AXIN1: variants seen among roughly 807,000 people sequenced by gnomAD.
The protein encoded by AXIN1 is axin-1.
In AXIN1, 30 loss-of-function variants were observed where a neutral mutation model predicts 76.4. That is an observed-to-expected ratio of 0.39 (90% CI 0.29 to 0.53). The LOEUF is 0.53. Ranked by LOEUF, AXIN1 falls within the 20% of genes least tolerant of loss-of-function variation. The pLI, the probability that AXIN1 is intolerant of heterozygous loss-of-function variation, is 0.66. For synonymous variants in AXIN1, 545 were observed against 501.4 expected (o/e 1.09, Z -1.16); for missense variants, 1,140 against 1,198.8 (o/e 0.95, Z 0.72).
Position 352,389 on chromosome 16 carries a change from AC to A in AXIN1, c.-103del, listed in dbSNP as rs1450111764. 1 of 968,760 alleles carries A rather than the reference AC, an allele frequency of 1.0e-6. No individual in the cohort carries two copies. The highest frequency in any genetic ancestry group is 1.2e-6 in the Non-Finnish European group (1 of 823,682). 60.0% of individuals were successfully genotyped at this position (968,760 alleles called of 1,614,324 possible). ...CTCACCCGCGCGCGGTGGTGGCGGG[AC>A]CCCGGGCCCGGCTCCCGGAGCGGCG... is the stretch of plus-strand genomic sequence containing the variant. On this transcript the variant is annotated 5_prime_UTR_variant, in exon 1 of 11. An upstream open reading frame in the 5' UTR gains an earlier in-frame stop. Coordinates refer to ENST00000262320, the MANE Select transcript of AXIN1 (RefSeq NM_003502.4).
intron 2 of AXIN1, among the ~76,000 whole-genome samples, chr16:326,372 A>AAAAAAAT (rs1380874299): frequency 2.1e-4 from 18 of 86,458 alleles, no homozygotes; most frequent in East Asian, 7.2e-4. Context: ...AAAAAAAAAA[A>AAAAAAAT]ATATATATAT....
chr16:301,086 T>C (rs214243), intron 5 of AXIN1, among the ~76,000 whole-genome samples: 45,692 of 151,740 alleles, frequency 0.3, 8,867 homozygotes, highest in African/African-American at 0.55. Context: ...CTGGCTAACA[T>C]GGTGAAACCC....
intron 3 of AXIN1, among the ~76,000 whole-genome samples, chr16:312,012 G>T (rs147660186): frequency 1.2e-4 from 19 of 152,208 alleles, no homozygotes; most frequent in Non-Finnish European, 2.6e-4. Context: ...CACGGTGGGC[G>T]TCAGGAACAA....
intron 7 of AXIN1, among the ~76,000 whole-genome samples, chr16:295,899 G>A (rs892460508): frequency 2.6e-5 from 4 of 152,094 alleles, no homozygotes; most frequent in African/African-American, 9.7e-5. Flanking sequence ...CCCAGGAGGT[G>A]GAGGTTGCAG....
At chr16:301,074 T>A (rs1343856970) in intron 5 of AXIN1, among the ~76,000 whole-genome samples, 1 of 151,786 alleles carries the variant, frequency 6.6e-6, no homozygotes, top group Non-Finnish European at 1.5e-5. Flanking sequence ...ATCGAGACCA[T>A]CCTGGCTAAC....
At chr16:300,783 G>T (rs773205024) in intron 5 of AXIN1, among the ~76,000 whole-genome samples, 1 of 152,152 alleles carries the variant, frequency 6.6e-6, no homozygotes, top group Admixed American at 6.5e-5. Context: ...GGGCACTCTG[G>T]GGAGAAATCT....
In AXIN1 at chr16:320,743, A is replaced by ATTTTTTTT. The variant is rs71299927; in HGVS notation, c.879-6068_879-6061dup. Among the ~76,000 whole-genome samples, 727 of 107,578 alleles carry ATTTTTTTT rather than the reference A, an allele frequency of 6.8e-3. 30 individuals carry two copies. Among genetic ancestry groups the ATTTTTTTT allele is most frequent in the African/African-American group, 0.028 (616 of 21,730 alleles). 70.6% of individuals were successfully genotyped at this position (107,578 alleles called of 152,430 possible). A position where few individuals can be genotyped will look rare whatever the true frequency, so the allele number is the denominator to read the frequency against. ...TGTGTGTATATATATATATATATAT[A>ATTTTTTTT]TTTTTTTTTTTTTTGAGACGGAGCC... On this transcript the variant is annotated intron_variant, in intron 2 of 10. Coordinates refer to ENST00000262320, the MANE Select transcript of AXIN1 (RefSeq NM_003502.4).
intron 9 of AXIN1, 121 bp from the exon 10 acceptor site, chr16:289,728 A>G: frequency 7.9e-7 from 1 of 1,258,486 alleles, no homozygotes; most frequent in Non-Finnish European, 1.1e-6. Context: ...GCAGCACCCC[A>G]TTCAAACACC....
intron 2 of AXIN1, among the ~76,000 whole-genome samples, chr16:335,597 T>C (rs896429030): frequency 2.0e-5 from 3 of 151,096 alleles, no homozygotes; most frequent in Admixed American, 6.6e-5. Context: ...TGGCACCCAA[T>C]AACACAACAC....
In AXIN1 at chr16:287,863, C is replaced by T. The variant is rs769738386; in HGVS notation, c.*259G>A. The stretch of plus-strand genomic sequence containing the variant: ...CACCTGAAGCTGGCAGCAGGGACCT[C>T]GGCTGCCTCACTTGGGCTGGGCCCT... On this transcript the variant is annotated 3_prime_UTR_variant, in exon 11 of 11. Transcript: ENST00000262320. The T allele has an allele frequency of 7.0e-6, 4 of 573,508 alleles. No individual in the cohort carries two copies. The highest frequency in any genetic ancestry group is 6.0e-5 in the East Asian group (2 of 33,324). The allele number at this position is 573,508 out of a possible 1,614,324, so 35.5% of individuals were successfully genotyped here.
intron 2 of AXIN1, among the ~76,000 whole-genome samples, chr16:324,394 G>C (rs370235212): frequency 6.6e-6 from 1 of 152,204 alleles, no homozygotes; most frequent in East Asian, 1.9e-4. Context: ...GGGCAGAAGC[G>C]ATATGGAAAG....
At chr16:291,454 G>GC in intron 8 of AXIN1, 157 bp from the exon 9 acceptor site, 1 of 691,400 alleles carries the variant, frequency 1.4e-6, no homozygotes, top group Non-Finnish European at 2.6e-6. Context: ...ACAAGACACC[G>GC]AGTCCCCTCC....
intron 7 of AXIN1, among the ~76,000 whole-genome samples, chr16:295,414 A>G (rs2052685006): frequency 6.6e-6 from 1 of 151,880 alleles, no homozygotes; most frequent in African/African-American, 2.4e-5. Flanking sequence ...TATTTTTAAC[A>G]GCTTTACTGG....
At chr16:351,649 G>A (rs2054146087) in intron 1 of AXIN1, among the ~76,000 whole-genome samples, 1 of 151,660 alleles carries the variant, frequency 6.6e-6, no homozygotes, top group East Asian at 1.9e-4. Flanking sequence ...GGTCACCCCT[G>A]TAGTCCCAAC....
At chr16:326,798 T>G (rs1255631672) in intron 2 of AXIN1, among the ~76,000 whole-genome samples, 4 of 151,368 alleles carry the variant, frequency 2.6e-5, no homozygotes, top group African/African-American at 9.7e-5. Context: ...TCTATTTTAC[T>G]TCCTCCATAA....
At chr16:347,855 G>A (rs2054064200) in intron 1 of AXIN1, among the ~76,000 whole-genome samples, 1 of 152,236 alleles carries the variant, frequency 6.6e-6, no homozygotes, top group Non-Finnish European at 1.5e-5. Flanking sequence ...AAAATGCTCT[G>A]TCAGAATGCT....
At chr16:350,906 CG>C (rs1567311291) in intron 1 of AXIN1, among the ~76,000 whole-genome samples, 2 of 152,022 alleles carry the variant, frequency 1.3e-5, no homozygotes, top group East Asian at 3.9e-4. Context: ...CCGAGGTGGG[CG>C]GATCACCTGA....
At chr16:317,854 C>T (rs1272762556) in intron 2 of AXIN1, among the ~76,000 whole-genome samples, 1 of 152,246 alleles carries the variant, frequency 6.6e-6, no homozygotes, top group Non-Finnish European at 1.5e-5. Context: ...AGGTTAAGTA[C>T]TAAAGTCTCC....
In AXIN1 at chr16:304,457, CTG is replaced by C. The variant is rs746473809; in HGVS notation, c.1117-18_1117-17del. On this transcript the variant is annotated splice_polypyrimidine_tract_variant and intron_variant, in intron 4 of 10. Transcript: ENST00000262320. ...GGTACGTGCGCTGCGAGGGACAGGACTGTGAGGCACGGGGGTTGAAAGGTCAC... is the reference window on the plus strand; with the variant it reads ...GGTACGTGCGCTGCGAGGGACAGGACTGAGGCACGGGGGTTGAAAGGTCAC... 1.2e-6 allele frequency: 2 copies of C among 1,612,610 alleles called. No individual in the cohort carries two copies. Among genetic ancestry groups the C allele is most frequent in the South Asian group, 1.1e-5 (1 of 91,080 alleles).
Sources: gnomAD v4.1 joint callset for allele counts (sites outside exome capture counted in the v4.1 genomes callset) on GRCh38, gnomAD v4.1.1 for gene constraint, MANE v1.5 for transcripts, NCBI Gene and HGNC (gene_info 2026-07-23, HGNC 2026-07-21) for gene names.